Variants in SLC22A23 observed in about 807,000 individuals in gnomAD.
SLC22A23 encodes ion transporter protein.
Under a neutral mutation model 61.0 loss-of-function variants are expected in SLC22A23, and 26 were observed. The observed-to-expected ratio is 0.43, with a 90% confidence interval of 0.31 to 0.59. SLC22A23 has a LOEUF of 0.59. Ranked by LOEUF, SLC22A23 falls within the 20% of genes least tolerant of loss-of-function variation. SLC22A23 has a pLI of 0.11. For synonymous variants in SLC22A23, 430 were observed against 413.9 expected (o/e 1.04, Z -0.47); for missense variants, 796 against 934.7 (o/e 0.85, Z 1.94).
intron 3 of SLC22A23, among the ~76,000 whole-genome samples, chr6:3,355,821 G>C (rs1044706355): frequency 1.3e-5 from 2 of 151,034 alleles, no homozygotes; most frequent in African/African-American, 4.9e-5. Context: ...AGCCGGCGTC[G>C]CTCTCACTCA....
chr6:3,446,983 G>C (rs1771926877), intron 1 of SLC22A23, among the ~76,000 whole-genome samples: 1 of 151,484 alleles, frequency 6.6e-6, no homozygotes, highest in Non-Finnish European at 1.5e-5. Flanking sequence ...TGTGCACTCA[G>C]CACAGCCTCC....
chr6:3,406,770 T>G (rs1768869442), intron 3 of SLC22A23, among the ~76,000 whole-genome samples: 1 of 152,120 alleles, frequency 6.6e-6, no homozygotes, highest in Non-Finnish European at 1.5e-5. Context: ...TATGTACTAA[T>G]TACACAACCA....
At chr6:3,404,632 T>C (rs1427561883) in intron 3 of SLC22A23, among the ~76,000 whole-genome samples, 1 of 152,160 alleles carries the variant, frequency 6.6e-6, no homozygotes, top group Non-Finnish European at 1.5e-5. Flanking sequence ...CCATGACCAG[T>C]GGCCCTGCCT....
intron 3 of SLC22A23, among the ~76,000 whole-genome samples, chr6:3,376,954 G>C (rs1262529298): frequency 6.6e-6 from 1 of 151,978 alleles, no homozygotes; most frequent in Non-Finnish European, 1.5e-5. Flanking sequence ...AGATGGAGGA[G>C]AGGGTCCACA....
intron 3 of SLC22A23, among the ~76,000 whole-genome samples, chr6:3,350,458 C>T (rs530767376): frequency 6.6e-6 from 1 of 152,184 alleles, no homozygotes; most frequent in African/African-American, 2.4e-5. Flanking sequence ...ATTTTAGTGT[C>T]GACAAATGCG....
intron 3 of SLC22A23, among the ~76,000 whole-genome samples, chr6:3,404,155 T>C (rs1768632274): frequency 3.3e-5 from 5 of 152,250 alleles, no homozygotes; most frequent in Admixed American, 3.3e-4. Flanking sequence ...AATACTCTAA[T>C]TTTAAAATGC....
At chr6:3,274,923 C>T (rs1272232643) in intron 9 of SLC22A23, among the ~76,000 whole-genome samples, 1 of 149,616 alleles carries the variant, frequency 6.7e-6, no homozygotes, top group African/African-American at 2.5e-5. Context: ...TTGATCTATA[C>T]ATTCCACATA....
chr6:3,362,996 G>T (rs1172794667), intron 3 of SLC22A23, among the ~76,000 whole-genome samples: 1 of 152,180 alleles, frequency 6.6e-6, no homozygotes, highest in South Asian at 2.1e-4. Context: ...GCCCAAGGAA[G>T]AGAGTTTTGA....
At chr6:3,289,535 G>C (rs1327721952) in intron 6 of SLC22A23, among the ~76,000 whole-genome samples, 1 of 152,242 alleles carries the variant, frequency 6.6e-6, no homozygotes, top group East Asian at 1.9e-4. Context: ...GGCACGTGGT[G>C]GGGAGGCCCT....
intron 4 of SLC22A23, among the ~76,000 whole-genome samples, chr6:3,320,871 G>A (rs1762908879): frequency 1.3e-5 from 2 of 152,134 alleles, no homozygotes; most frequent in Admixed American, 1.3e-4. Flanking sequence ...AGTACTTATA[G>A]AGCAGACATG....
At chr6:3,448,642 C>T (rs145600718) in intron 1 of SLC22A23, among the ~76,000 whole-genome samples, 23,676 of 152,074 alleles carry the variant, frequency 0.16, 2,374 homozygotes, top group East Asian at 0.22. Flanking sequence ...TACAGGCGCC[C>T]GCCACCACGC....
rs1008086746 is a variant in SLC22A23, at chr6:3,455,999, G to A, written c.561C>T (p.Ser187=). The change falls in exon 1 of 10, where the codon TCC becomes TCT. Residue 187 remains serine, a synonymous_variant. Coordinates refer to ENST00000406686, the MANE Select transcript of SLC22A23 (RefSeq NM_015482.2). The part of the protein sequence containing the change: ...ADGGDTPPLP[S]PPDKGDNASN... ...AGGCGTTGTCCCCCTTGTCCGGAGGGGATGGCAGGGGTGGTGTGTCGCCTC... is the reference window on the plus strand; with the variant it reads ...AGGCGTTGTCCCCCTTGTCCGGAGGAGATGGCAGGGGTGGTGTGTCGCCTC... 23 of 1,547,114 alleles carry A rather than the reference G, an allele frequency of 1.5e-5. 1 individual carries two copies. The African/African-American group carries it at 2.6e-4, about 18-fold the overall frequency.
chr6:3,350,541 G>T (rs571657787), intron 3 of SLC22A23, among the ~76,000 whole-genome samples: 1 of 152,350 alleles, frequency 6.6e-6, no homozygotes, highest in East Asian at 1.9e-4. Context: ...GCAGGGAGTA[G>T]TAGGTGGGGC....
In SLC22A23 at chr6:3,333,420, T is replaced by C. The variant is rs1228396691; in HGVS notation, c.914-9418A>G. On this transcript the variant is annotated intron_variant, in intron 3 of 9. Coordinates refer to ENST00000406686, the MANE Select transcript of SLC22A23 (RefSeq NM_015482.2). The surrounding 1 kb of genome is among the most constrained non-coding windows in gnomAD (Gnocchi z 4.1). ...AAGTCTTTCACAGTGACCCATGTGA[T>C]TTCCACCCCTCCCGCATCCCTCAGA... Among the ~76,000 whole-genome samples, 1 of 151,960 alleles carries C rather than the reference T, an allele frequency of 6.6e-6. No individual in the cohort carries two copies. The highest frequency in any genetic ancestry group is 1.5e-5 in the Non-Finnish European group (1 of 67,998).
chr6:3,447,183 A>G (rs1393967367), intron 1 of SLC22A23, among the ~76,000 whole-genome samples: 2 of 152,122 alleles, frequency 1.3e-5, no homozygotes, highest in Non-Finnish European at 1.5e-5. Context: ...ATTGCTATCA[A>G]TTCCAGGCCC....
At chr6:3,430,566 C>T (rs1770792969) in intron 1 of SLC22A23, among the ~76,000 whole-genome samples, 1 of 152,066 alleles carries the variant, frequency 6.6e-6, no homozygotes, top group Admixed American at 6.5e-5. Flanking sequence ...AGTGCCACAC[C>T]CCAAGGAAAC....
At chr6:3,436,377 C>T (rs553315308) in intron 1 of SLC22A23, among the ~76,000 whole-genome samples, 1 of 152,206 alleles carries the variant, frequency 6.6e-6, no homozygotes, top group East Asian at 1.9e-4. Flanking sequence ...CTCAGGTGAC[C>T]CGCCCACCTT....
At chr6:3,424,565 G>A (rs1466638898) in intron 1 of SLC22A23, among the ~76,000 whole-genome samples, 3 of 152,210 alleles carry the variant, frequency 2.0e-5, no homozygotes, top group Non-Finnish European at 4.4e-5. Flanking sequence ...ACCGGATCAG[G>A]AGATCTGTGC....
chr6:3,317,814 A>G lies in SLC22A23; in HGVS notation c.1082+6020T>C, dbSNP rs183746906. Among the ~76,000 whole-genome samples, 32 of 152,278 alleles carry G rather than the reference A, an allele frequency of 2.1e-4. No individual in the cohort carries two copies. In the East Asian group the frequency reaches 2.1e-3, roughly 10 times the overall value. On this transcript the variant is annotated intron_variant, in intron 4 of 9. Transcript: ENST00000406686. This position sits in a 1 kb window ranked among gnomAD's most constrained non-coding sequence, Gnocchi z 4.4. ...GCTCAAGTTTGACTCTGCAAACCAC[A>G]CGAGAGGACCAGGCGAGCGCACCCT...
Sources: allele counts gnomAD v4.1 joint callset (sites outside exome capture counted in the v4.1 genomes callset), GRCh38; gene constraint gnomAD v4.1.1; non-coding constraint Gnocchi (gnomAD v3.1); transcripts MANE v1.5; gene names NCBI Gene and HGNC (gene_info 2026-07-23, HGNC 2026-07-21).